The following CASP9 variants were observed in gnomAD, a reference collection of about 807,000 sequenced individuals.
CASP9 encodes caspase-9.
CASP9 carries 29 observed loss-of-function variants against 43.5 expected under a neutral mutation model. That is an observed-to-expected ratio of 0.67 (90% CI 0.50 to 0.91). The LOEUF is 0.91. Ranked by LOEUF, CASP9 falls within the 40% of genes least tolerant of loss-of-function variation. CASP9 has a pLI of 0.00. For synonymous variants in CASP9, 206 were observed against 211.9 expected (o/e 0.97, Z 0.24); for missense variants, 575 against 537.4 (o/e 1.07, Z -0.69).
chr1:15,520,260 G>C (rs949874517), intron 1 of CASP9, among the ~76,000 whole-genome samples: 1 of 152,176 alleles, frequency 6.6e-6, no homozygotes, highest in African/African-American at 2.4e-5. Context: ...AAGCACTTGG[G>C]TAGTACAACT....
chr1:15,507,116 C>T (rs747175896), intron 3 of CASP9, 41 bp from the exon 4 acceptor site: 44 of 1,611,552 alleles, frequency 2.7e-5, no homozygotes, highest in Admixed American at 1.7e-4. Context: ...GCTCTCCCCA[C>T]GCTCCCTAGA....
chr1:15,506,357 G>A (rs1456992407), intron 4 of CASP9, among the ~76,000 whole-genome samples: 1 of 152,134 alleles, frequency 6.6e-6, no homozygotes, highest in South Asian at 2.1e-4. Flanking sequence ...TCAGGAGGCT[G>A]AGGCAGGAGA....
At position 15,524,055 on chromosome 1, in the gene CASP9, G is replaced by A; in HGVS notation, c.132+14C>T. On this transcript the variant is annotated intron_variant, in intron 1 of 8. Transcript: ENST00000333868. ...CCGGCCGTGCAGCGCGGGGACAGGGGGCCGGGGGCGCACCTGGATGTCCTC... is the reference window on the plus strand; with the variant it reads ...CCGGCCGTGCAGCGCGGGGACAGGGAGCCGGGGGCGCACCTGGATGTCCTC... 6.9e-7 allele frequency: 1 copy of A among 1,444,654 alleles called. No homozygotes were observed. The highest frequency in any genetic ancestry group is 9.1e-7 in the Non-Finnish European group (1 of 1,104,762). 89.5% of individuals were successfully genotyped at this position (1,444,654 alleles called of 1,614,324 possible). A position where few individuals can be genotyped will look rare whatever the true frequency, so the allele number is the denominator to read the frequency against.
chr1:15,496,638 A>G (rs1373104631), intron 6 of CASP9, among the ~76,000 whole-genome samples: 1 of 152,246 alleles, frequency 6.6e-6, no homozygotes, highest in Admixed American at 6.5e-5. Flanking sequence ...AATTACAAAA[A>G]TGGTTCCATT....
intron 2 of CASP9, among the ~76,000 whole-genome samples, chr1:15,517,293 T>C (rs1163698162): frequency 6.6e-6 from 1 of 152,100 alleles, no homozygotes; most frequent in Non-Finnish European, 1.5e-5. Context: ...ATTTCAAAGA[T>C]ACAATGATGA....
At chr1:15,501,627 C>T (rs1709333464) in intron 6 of CASP9, among the ~76,000 whole-genome samples, 1 of 152,220 alleles carries the variant, frequency 6.6e-6, no homozygotes, top group Non-Finnish European at 1.5e-5. Context: ...GTCACGCAGC[C>T]TGCGGAGGCA....
intron 1 of CASP9, among the ~76,000 whole-genome samples, chr1:15,519,614 A>C (rs935602932): frequency 3.9e-5 from 6 of 152,196 alleles, no homozygotes; most frequent in African/African-American, 1.4e-4. Context: ...TGCAGCTAGA[A>C]TAGAGAGAAG....
Position 15,504,702 on chromosome 1 carries a change from C to G in CASP9, c.777G>C (p.Ser259=). 3 of 1,614,166 alleles carry G rather than the reference C, an allele frequency of 1.9e-6. No individual in the cohort carries two copies. The highest frequency in any genetic ancestry group is 2.5e-6 in the Non-Finnish European group (3 of 1,180,020). The change falls in exon 6 of 9, where the codon TCG becomes TCC. Residue 259 remains serine, a synonymous_variant. Transcript: ENST00000333868. ...TGAAGATGTTCACAATCTTCTCGAC[C>G]GACACAGGGCATCCATCTGTGCCGT... ...AVYGTDGCPV[S]VEKIVNIFNG... is the part of the protein sequence containing the mutation.
chr1:15,500,582 C>T (rs533488927), intron 6 of CASP9, among the ~76,000 whole-genome samples: 2 of 152,316 alleles, frequency 1.3e-5, no homozygotes, highest in East Asian at 1.9e-4. Context: ...CTGCTTCTCA[C>T]GGAGGCCCCC....
chr1:15,497,654 A>AT (rs201057422), intron 6 of CASP9, among the ~76,000 whole-genome samples: 13,263 of 149,774 alleles, frequency 0.089, 622 homozygotes, highest in African/African-American at 0.11. Context: ...GAAAAAAAAA[A>AT]AAAAGATATA....
Position 15,493,977 on chromosome 1 carries a change from T to C in CASP9, c.1073A>G (p.Lys358Arg), listed in dbSNP as rs1570821198. Residue 358 changes from lysine to arginine, a missense_variant, in exon 8 of 9, where the codon AAG becomes AGG. Physicochemically the swap from Lys to Arg is conservative, Grantham distance 26 (BLOSUM62 2). Transcript: ENST00000333868. ...GGTCTCAACGTACCAGGAGCCACTC[T>C]TGGGGTCCCTCCAGGAAACAAAACC... ...FPGFVSWRDP[K>R]SGSWYVETLD... The C allele has an allele frequency of 6.3e-7, 1 of 1,599,518 alleles. No homozygotes were observed. Among genetic ancestry groups the C allele is most frequent in the Non-Finnish European group, 8.5e-7 (1 of 1,172,654 alleles).
intron 6 of CASP9, among the ~76,000 whole-genome samples, chr1:15,500,885 G>GT (rs57097032): frequency 1.3e-5 from 2 of 150,172 alleles, no homozygotes; most frequent in African/African-American, 4.9e-5. Context: ...AGAGCAGGGG[G>GT]TGTGGGGGAA....
chr1:15,514,690 C>G (rs1188124947), intron 2 of CASP9, among the ~76,000 whole-genome samples: 1 of 152,198 alleles, frequency 6.6e-6, no homozygotes, highest in Non-Finnish European at 1.5e-5. Context: ...GTGTATACTA[C>G]AAAGTGATAT....
At chr1:15,507,970 C>G in intron 2 of CASP9, 63 bp from the exon 3 acceptor site, 2 of 1,553,868 alleles carry the variant, frequency 1.3e-6, no homozygotes, top group South Asian at 1.1e-5. Flanking sequence ...GGGCAAGGGG[C>G]TCTGTGAGGA....
chr1:15,506,155 A>C (rs1479658678), intron 4 of CASP9, 76 bp from the exon 5 acceptor site: 4 of 1,019,172 alleles, frequency 3.9e-6, no homozygotes, highest in East Asian at 2.4e-5. Context: ...TAACAATAAA[A>C]GGGCCCAGCC....
Position 15,495,362 on chromosome 1 carries a change from TG to T in CASP9, c.958del (p.Gln320ArgfsTer4). On this transcript the variant is annotated frameshift_variant, in exon 7 of 9. Transcript: ENST00000333868. LOFTEE classifies it high-confidence loss of function. ...SNPEPDATPF[Q>X]EGLRTFDQLD... ...CTGGTCGAAGGTCCTCAAACCTTCC[TG>T]GAACGGGGTGGCATCTGGCTCGGGG... 1 of 1,609,930 alleles carries T rather than the reference TG, an allele frequency of 6.2e-7. No homozygotes were observed. The highest frequency in any genetic ancestry group is 1.7e-4 in the Middle Eastern group (1 of 6,056).
intron 2 of CASP9, among the ~76,000 whole-genome samples, chr1:15,508,723 TTTC>T (rs147158895): frequency 0.25 from 37,607 of 151,994 alleles, 5,962 homozygotes; most frequent in East Asian, 0.58. Context: ...CCTCAAATCA[TTTC>T]TTTTCTAAAA....
At chr1:15,521,997 A>C (rs1710222101) in intron 1 of CASP9, among the ~76,000 whole-genome samples, 4 of 152,228 alleles carry the variant, frequency 2.6e-5, no homozygotes, top group Admixed American at 2.6e-4. Flanking sequence ...CACTAGCAGA[A>C]CAGTTGGCTA....
intron 1 of CASP9, among the ~76,000 whole-genome samples, chr1:15,519,059 G>T (rs575684226): frequency 4.7e-5 from 7 of 149,614 alleles, no homozygotes; most frequent in Admixed American, 2.0e-4. Flanking sequence ...TTTATTTTTA[G>T]TAGAAACAGG....
Sources: gnomAD v4.1 joint callset for allele counts (sites outside exome capture counted in the v4.1 genomes callset) on GRCh38, gnomAD v4.1.1 for gene constraint, MANE v1.5 for transcripts, NCBI Gene and HGNC (gene_info 2026-07-23, HGNC 2026-07-21) for gene names.